The following EPC2 variants were observed in gnomAD, a reference collection of about 807,000 sequenced individuals.
EPC2 encodes enhancer of polycomb homolog 2.
EPC2 carries 14 observed loss-of-function variants against 92.1 expected under a neutral mutation model. The ratio of observed to expected loss-of-function variants is 0.15; its 90% CI spans 0.10 to 0.24. The LOEUF (loss-of-function observed/expected upper bound fraction) is 0.24. EPC2 is among the 10% of genes least tolerant of loss of function. EPC2 has a pLI of 1.00. For synonymous variants in EPC2, 340 were observed against 334.7 expected, an observed-to-expected ratio of 1.02 and a Z score of -0.17; for missense variants, 755 against 971.5, an observed-to-expected ratio of 0.78 and a Z score of 2.96.
intron 2 of EPC2, among the ~76,000 whole-genome samples, chr2:148,725,188 G>A (rs540765559): frequency 6.6e-6 from 1 of 151,920 alleles, no homozygotes; most frequent in African/African-American, 2.4e-5. Flanking sequence ...TAAACATTTT[G>A]TTTTACTTTT....
chr2:148,652,898 G>GCTTA (rs1364266429), intron 1 of EPC2, among the ~76,000 whole-genome samples: 1 of 151,984 alleles, frequency 6.6e-6, no homozygotes, highest in Non-Finnish European at 1.5e-5. Context: ...ACTTTACTAG[G>GCTTA]CTTACTCATT....
chr2:148,722,807 T>C (rs1641854475), intron 2 of EPC2, among the ~76,000 whole-genome samples: 1 of 152,102 alleles, frequency 6.6e-6, no homozygotes, highest in Admixed American at 6.5e-5. Context: ...ATAAAGAAAA[T>C]GTGGTACATA....
At chr2:148,691,537 T>C (rs1432089533) in intron 2 of EPC2, 6 of 1,550,366 alleles carry the variant, frequency 3.9e-6, no homozygotes, top group Non-Finnish European at 5.2e-6. Flanking sequence ...TTTTCATCTT[T>C]GCAGTGAAAT....
chr2:148,648,450 A>G (rs903756946), intron 1 of EPC2, among the ~76,000 whole-genome samples: 2 of 152,234 alleles, frequency 1.3e-5, no homozygotes, highest in African/African-American at 4.8e-5. Flanking sequence ...ATTTTAAGTA[A>G]CTTTCAATAT....
chr2:148,697,518 C>A (rs1681776502), intron 2 of EPC2, among the ~76,000 whole-genome samples: 1 of 152,086 alleles, frequency 6.6e-6, no homozygotes. Context: ...AATACAAGCA[C>A]ACACTTCATA....
At chr2:148,761,691 A>G in intron 4 of EPC2, 91 bp from the exon 5 acceptor site, 2 of 859,252 alleles carry the variant, frequency 2.3e-6, no homozygotes, top group South Asian at 5.0e-5. Flanking sequence ...CTTTTATAGG[A>G]TAAATTCAGG....
At chr2:148,702,123 T>G (rs2105378008) in intron 2 of EPC2, among the ~76,000 whole-genome samples, 1 of 152,234 alleles carries the variant, frequency 6.6e-6, no homozygotes, top group Non-Finnish European at 1.5e-5. Context: ...GATTATTCAG[T>G]GTTACTGATC....
In EPC2 at chr2:148,771,112, A is replaced by AT. The variant is rs781588367; in HGVS notation, c.1446dup (p.Ser483Ter). On this transcript the variant is annotated frameshift_variant, in exon 10 of 14. Coordinates refer to ENST00000258484, the MANE Select transcript of EPC2 (RefSeq NM_015630.4). LOFTEE classifies it high-confidence loss of function. Reference sequence around the variant, plus strand: ...AAACAGATAGACCCTGAAATGCTGAATAGTTTTTCAAGCTCTTCCCAAACT... The same window carrying AT: ...AAACAGATAGACCCTGAAATGCTGAATTAGTTTTTCAAGCTCTTCCCAAACT... The AT allele has an allele frequency of 6.2e-7, 1 of 1,613,600 alleles. No individual in the cohort carries two copies. The highest frequency in any genetic ancestry group is 8.5e-7 in the Non-Finnish European group (1 of 1,179,712).
chr2:148,777,104 C>T lies in EPC2; in HGVS notation c.1721-4540C>T, dbSNP rs187404990. ...TGAACCCCTGACCTCAGGTGATCCA[C>T]CCACCTTGGCCTCCCAAAGTGCTGG... On this transcript the variant is annotated intron_variant, in intron 10 of 13. Coordinates refer to ENST00000258484, the MANE Select transcript of EPC2 (RefSeq NM_015630.4). Among the ~76,000 whole-genome samples, 1,259 of 151,984 alleles carry T rather than the reference C, an allele frequency of 8.3e-3. 6 individuals are homozygous for T. Among genetic ancestry groups the T allele is most frequent in the Non-Finnish European group, 0.012 (845 of 67,956 alleles).
chr2:148,770,102 A>G (rs1683487140), intron 8 of EPC2, among the ~76,000 whole-genome samples: 1 of 152,074 alleles, frequency 6.6e-6, no homozygotes, highest in African/African-American at 2.4e-5. Flanking sequence ...CTGGAGTGCA[A>G]TGGTGCAATC....
At position 148,676,096 on chromosome 2, in the gene EPC2, T is replaced by C. The variant is rs1035390337; in HGVS notation, c.154-14118T>C. Among the ~76,000 whole-genome samples, 8 of 152,006 alleles carry C rather than the reference T, an allele frequency of 5.3e-5. No individual in the cohort carries two copies. The East Asian group carries it at 9.6e-4, about 18-fold the overall frequency. ...CTACTTCTCTGCATCTTGGTACTCA[T>C]TGTGTATGACTAAAAGTCATGAATT... On this transcript the variant is annotated intron_variant, in intron 1 of 13. Transcript: ENST00000258484.
intron 2 of EPC2, among the ~76,000 whole-genome samples, chr2:148,703,224 A>T (rs569385010): frequency 8.5e-4 from 129 of 152,162 alleles, no homozygotes; most frequent in African/African-American, 3.1e-3. Flanking sequence ...TTAAGTTTTA[A>T]TTATTAGCCA....
At chr2:148,708,414 T>A (rs934876453) in intron 2 of EPC2, among the ~76,000 whole-genome samples, 1 of 151,980 alleles carries the variant, frequency 6.6e-6, no homozygotes, top group Non-Finnish European at 1.5e-5. Flanking sequence ...CTACCAGAGG[T>A]ATGAAGAGGA....
At chr2:148,728,313 G>T (rs1682538640) in intron 2 of EPC2, among the ~76,000 whole-genome samples, 1 of 150,738 alleles carries the variant, frequency 6.6e-6, no homozygotes, top group East Asian at 1.9e-4. Flanking sequence ...TTGTTTGTTT[G>T]TTTGTTTTGC....
At chr2:148,776,856 CTTTTTTT>C (rs56073706) in intron 10 of EPC2, among the ~76,000 whole-genome samples, 3 of 101,028 alleles carry the variant, frequency 3.0e-5, no homozygotes. Context: ...GTCTCTCTCT[CTTTTTTT>C]TTTTTTTTTT....
At chr2:148,784,186 AGATAG>A (rs1683814255) in intron 12 of EPC2, among the ~76,000 whole-genome samples, 1 of 152,210 alleles carries the variant, frequency 6.6e-6, no homozygotes, top group Admixed American at 6.5e-5. Flanking sequence ...CCCGCTCTTT[AGATAG>A]AGTATTGCTG....
At chr2:148,697,135 AAGT>A (rs1416088149) in intron 2 of EPC2, among the ~76,000 whole-genome samples, 1 of 152,216 alleles carries the variant, frequency 6.6e-6, no homozygotes, top group Non-Finnish European at 1.5e-5. Flanking sequence ...TGCAGCTAGC[AAGT>A]AGTAGAGTCA....
chr2:148,717,539 A>G (rs1219135389), intron 2 of EPC2, among the ~76,000 whole-genome samples: 1 of 152,080 alleles, frequency 6.6e-6, no homozygotes, highest in Non-Finnish European at 1.5e-5. Context: ...GTTTCCATGT[A>G]GTTAGTTGTG....
chr2:148,663,193 TGTA>T lies in EPC2; in HGVS notation c.153+18024_153+18026del, dbSNP rs1254603588. ...CCTCAAAAGGTATCTACTGTGTTTT[TGTA>T]TTATTATTATTATTATTATTATTAT... On this transcript the variant is annotated intron_variant, in intron 1 of 13. Coordinates refer to ENST00000258484, the MANE Select transcript of EPC2 (RefSeq NM_015630.4). Among the ~76,000 whole-genome samples the T allele has an allele frequency of 8.9e-4, 88 of 98,640 alleles. 2 individuals are homozygous for T. Among genetic ancestry groups the T allele is most frequent in the South Asian group, 3.6e-3 (11 of 3,054 alleles). 64.7% of individuals were successfully genotyped at this position (98,640 alleles called of 152,430 possible).
Sources: gnomAD v4.1 joint callset for allele counts (sites outside exome capture counted in the v4.1 genomes callset) on GRCh38, gnomAD v4.1.1 for gene constraint, MANE v1.5 for transcripts, NCBI Gene and HGNC (gene_info 2026-07-23, HGNC 2026-07-21) for gene names.